Variants in AACS observed in about 807,000 individuals in gnomAD.
AACS encodes the protein acetoacetate-CoA ligase.
Under a neutral mutation model 83.1 loss-of-function variants are expected in AACS, and 69 were observed. The observed-to-expected ratio is 0.83, with a 90% confidence interval of 0.68 to 1.01. The LOEUF (loss-of-function observed/expected upper bound fraction) is 1.01. AACS is among the 50% of genes least tolerant of loss of function. The pLI is 0.00. For synonymous variants in AACS, 333 were observed against 343.4 expected, an observed-to-expected ratio of 0.97 and a Z score of 0.33; for missense variants, 866 against 882.2, an observed-to-expected ratio of 0.98 and a Z score of 0.23.
chr12:125,115,654 C>T (rs1312535593), intron 9 of AACS, among the ~76,000 whole-genome samples: 2 of 152,158 alleles, frequency 1.3e-5, no homozygotes, highest in Non-Finnish European at 2.9e-5. Context: ...TGAGAGACTC[C>T]CCACAGATGC....
intron 14 of AACS, among the ~76,000 whole-genome samples, chr12:125,132,844 C>T (rs1257427460): frequency 6.6e-6 from 1 of 152,148 alleles, no homozygotes; most frequent in Non-Finnish European, 1.5e-5. Context: ...TTCATGATGT[C>T]ACATAAATGC....
At chr12:125,076,383 C>T in intron 2 of AACS, 108 bp from the exon 3 acceptor site, 4 of 1,480,148 alleles carry the variant, frequency 2.7e-6, no homozygotes, top group Non-Finnish European at 3.7e-6. Flanking sequence ...GAGCTGGCTT[C>T]CTGGGAAGAA....
At chr12:125,099,543 C>T (rs1435226536) in intron 5 of AACS, among the ~76,000 whole-genome samples, 1 of 152,176 alleles carries the variant, frequency 6.6e-6, no homozygotes, top group African/African-American at 2.4e-5. Flanking sequence ...GCTTAGTCAC[C>T]TGCAATATGA....
chr12:125,135,103 G>A (rs549573204), intron 16 of AACS, among the ~76,000 whole-genome samples: 1 of 151,562 alleles, frequency 6.6e-6, no homozygotes, highest in African/African-American at 2.4e-5. Context: ...CTCCCGGTGA[G>A]CTCTGCTGGG....
chr12:125,074,012 T>C, intron 2 of AACS, 33 bp downstream of exon 2: 1 of 1,546,120 alleles, frequency 6.5e-7, no homozygotes, highest in African/African-American at 1.4e-5. Context: ...TATCATCTCT[T>C]TTTGTGGTCG....
At position 125,102,764 on chromosome 12, in the gene AACS, A is replaced by C; in HGVS notation, c.656A>C (p.His219Pro). The C allele has an allele frequency of 6.2e-7, 1 of 1,614,122 alleles. No individual in the cohort carries two copies. Among genetic ancestry groups the C allele is most frequent in the South Asian group, 1.1e-5 (1 of 91,080 alleles). Residue 219 changes from histidine to proline, a missense_variant, in exon 6 of 18, where the codon CAC becomes CCC. Transcript: ENST00000316519. Reference sequence around the variant, plus strand: ...GTCTATAATGGCAAAGAGCACAACCACATGGAAAAGCTGCAGCAGGTGGTT... The same window carrying C: ...GTCTATAATGGCAAAGAGCACAACCCCATGGAAAAGCTGCAGCAGGTGGTT... ...AVVYNGKEHN[H>P]MEKLQQVVKG...
chr12:125,067,874 G>A (rs1955748757), intron 1 of AACS, among the ~76,000 whole-genome samples: 1 of 152,222 alleles, frequency 6.6e-6, no homozygotes, highest in South Asian at 2.1e-4. Context: ...CTTACCAGCT[G>A]TGTGATCAGG....
At chr12:125,133,388 GAGGCC>G (rs950099903) in intron 14 of AACS, among the ~76,000 whole-genome samples, 24 of 152,214 alleles carry the variant, frequency 1.6e-4, no homozygotes, top group African/African-American at 5.8e-4. Context: ...AGCTGCACAT[GAGGCC>G]ACTCACGTGG....
chr12:125,133,750 C>T (rs1291827672), intron 14 of AACS, among the ~76,000 whole-genome samples: 2 of 152,254 alleles, frequency 1.3e-5, no homozygotes, highest in Non-Finnish European at 2.9e-5. Flanking sequence ...TCTGTGAATT[C>T]CCGGGTCCTT....
chr12:125,073,725 T>C, intron 1 of AACS, 151 bp from the exon 2 acceptor site: 1 of 612,312 alleles, frequency 1.6e-6, no homozygotes, highest in Non-Finnish European at 2.8e-6. Flanking sequence ...TTTGCGTCAA[T>C]ACAAATTAAG....
intron 11 of AACS, 59 bp from the exon 12 acceptor site, chr12:125,124,843 G>A (rs1006458609): frequency 6.2e-7 from 1 of 1,613,828 alleles, no homozygotes; most frequent in African/African-American, 1.3e-5. Context: ...TTTCCTGCTT[G>A]CGAGTGAGGC....
At chr12:125,119,192 CTGTT>C (rs1416682002) in intron 10 of AACS, among the ~76,000 whole-genome samples, 1 of 152,206 alleles carries the variant, frequency 6.6e-6, no homozygotes, top group African/African-American at 2.4e-5. Context: ...ACACAGTTAC[CTGTT>C]TGTTTTTAGC....
intron 14 of AACS, among the ~76,000 whole-genome samples, chr12:125,133,352 C>T (rs115425118): frequency 1.9e-3 from 294 of 152,326 alleles, no homozygotes; most frequent in African/African-American, 6.5e-3. Flanking sequence ...CATGGTGCCA[C>T]CCCAGCGTGC....
At chr12:125,141,258 C>CT (rs1018101016) in intron 17 of AACS, 4 of 152,686 alleles carry the variant, frequency 2.6e-5, no homozygotes, top group East Asian at 3.8e-4. Flanking sequence ...GAGAGATACT[C>CT]TTTTTTATAT....
At chr12:125,118,348 C>T in intron 9 of AACS, 1 of 372,374 alleles carries the variant, frequency 2.7e-6, no homozygotes. Context: ...AAGTGTGCAC[C>T]TCCTGTGGCC....
rs1326146077 is a variant in AACS at position 125,136,657 on chromosome 12, C to T, written c.1679-5C>T. The T allele has an allele frequency of 6.2e-7, 1 of 1,613,270 alleles. No homozygotes were observed. The highest frequency in any genetic ancestry group is 2.2e-5 in the East Asian group (1 of 44,878). On this transcript the variant is annotated splice_region_variant and splice_polypyrimidine_tract_variant and intron_variant, in intron 16 of 17. Coordinates refer to ENST00000316519, the MANE Select transcript of AACS (RefSeq NM_023928.5). ...GTGAATGTGCACCCTCTCCTGTCTC[C>T]ACAGTGGAATCCTTCGAGGAGGTGG...
intron 8 of AACS, among the ~76,000 whole-genome samples, chr12:125,109,093 C>T (rs1956895406): frequency 6.6e-6 from 1 of 152,096 alleles, no homozygotes; most frequent in Non-Finnish European, 1.5e-5. Context: ...CTGAATTCTT[C>T]CATTGTTGAC....
Position 125,129,393 on chromosome 12 carries a change from G to A in AACS, c.1482G>A (p.Gln494=), listed in dbSNP as rs370651098. ...ELVCTKPIPC[Q]PTHFWNDENG... ...TGTGTACTAAGCCGATCCCTTGCCA[G>A]CCCACACACTTCTGGAACGATGAGA... The change falls in exon 14 of 18, where the codon CAG becomes CAA. Residue 494 remains glutamine, a synonymous_variant. Transcript: ENST00000316519. This position sits in a 1 kb window ranked among gnomAD's most constrained non-coding sequence, Gnocchi z 4.3. 5 of 1,613,976 alleles carry A rather than the reference G, an allele frequency of 3.1e-6. No individual in the cohort carries two copies. In the African/African-American group the frequency reaches 5.3e-5, roughly 17 times the overall value.
chr12:125,092,680 A>C (rs1201877735), intron 5 of AACS: 1 of 151,506 alleles, frequency 6.6e-6, no homozygotes, highest in Non-Finnish European at 1.5e-5. Flanking sequence ...GTTCTTTCCC[A>C]GGCCATCTCA....
Sources: allele counts gnomAD v4.1 joint callset (sites outside exome capture counted in the v4.1 genomes callset), GRCh38; gene constraint gnomAD v4.1.1; non-coding constraint Gnocchi (gnomAD v3.1); transcripts MANE v1.5; gene names NCBI Gene and HGNC (gene_info 2026-07-23, HGNC 2026-07-21).